The following CHSY1 variants were observed in gnomAD, a reference collection of about 807,000 sequenced individuals.
CHSY1 encodes the protein chondroitin sulfate synthase 1.
CHSY1 carries 13 observed loss-of-function variants against 59.8 expected under a neutral mutation model. That is an observed-to-expected ratio of 0.22 (90% CI 0.14 to 0.35). The LOEUF is 0.35. Among genes scored for constraint, CHSY1 ranks in the 10% least tolerant of loss-of-function variants. The pLI is 1.00. For missense variants in CHSY1, 947 were observed against 1,030.6 expected (o/e 0.92, Z 1.11); for synonymous variants, 459 against 401.2 (o/e 1.14, Z -1.72).
At position 101,193,763 on chromosome 15, in the gene CHSY1, T is replaced by C. The variant is rs2038474465; in HGVS notation, c.817-14783A>G. On this transcript the variant is annotated intron_variant, in intron 2 of 2. Transcript: ENST00000254190. ...AATGTGCACACAATACCAACACTCC[T>C]GGCACCGAGGAAGACACGCTGGGGA... Among the ~76,000 whole-genome samples, 4 of 152,332 alleles carry C rather than the reference T, an allele frequency of 2.6e-5. No individual in the cohort carries two copies. In the South Asian group the frequency reaches 8.3e-4, roughly 32 times the overall value.
At chr15:101,199,991 T>C (rs757266253) in intron 2 of CHSY1, among the ~76,000 whole-genome samples, 8 of 152,158 alleles carry the variant, frequency 5.3e-5, no homozygotes, top group Non-Finnish European at 1.0e-4. Context: ...CTGAATAAGA[T>C]ACAAGAAAAA....
At chr15:101,203,749 G>T (rs1213251205) in intron 2 of CHSY1, among the ~76,000 whole-genome samples, 1 of 152,078 alleles carries the variant, frequency 6.6e-6, no homozygotes, top group African/African-American at 2.4e-5. Flanking sequence ...CGTAGCCTGG[G>T]GAAACATCAG....
intron 2 of CHSY1, among the ~76,000 whole-genome samples, chr15:101,183,143 C>T (rs971987198): frequency 3.3e-5 from 5 of 151,322 alleles, no homozygotes; most frequent in East Asian, 1.9e-4. Flanking sequence ...AAGATCATAA[C>T]GATAAAAAAA....
chr15:101,179,965 G>A (rs1166474630), intron 2 of CHSY1, among the ~76,000 whole-genome samples: 1 of 152,226 alleles, frequency 6.6e-6, no homozygotes, highest in East Asian at 1.9e-4. Flanking sequence ...TTCAGTGAAA[G>A]CATTTGAGGT....
At position 101,235,234 on chromosome 15, in the gene CHSY1, C is replaced by T; in HGVS notation, c.664G>A (p.Gly222Arg). 6.2e-7 allele frequency: 1 copy of T among 1,614,130 alleles called. No homozygotes were observed. Among genetic ancestry groups the T allele is most frequent in the Non-Finnish European group, 8.5e-7 (1 of 1,179,998 alleles). The change falls in exon 2 of 3, where the codon GGG (glycine) becomes AGG (arginine). Residue 222 changes from glycine (G) to arginine (R), a missense_variant. Gly to Arg is a moderately radical substitution (Grantham distance 125, BLOSUM62 -2). Transcript: ENST00000254190. The part of the protein sequence containing the change: ...LEPGENFCMG[G>R]PGVIMSREVL... ...TCCCGGCTCATGATCACGCCAGGCCCCCCCATGCAGAAGTTCTCACCAGGC... is the reference window on the plus strand; with the variant it reads ...TCCCGGCTCATGATCACGCCAGGCCTCCCCATGCAGAAGTTCTCACCAGGC...
intron 1 of CHSY1, 126 bp from the exon 2 acceptor site, chr15:101,235,703 G>C: frequency 9.6e-7 from 1 of 1,042,946 alleles, no homozygotes. Flanking sequence ...TGGCCTGCTT[G>C]GTTCCTCTTA....
At chr15:101,216,938 T>C (rs2038739719) in intron 2 of CHSY1, among the ~76,000 whole-genome samples, 1 of 152,066 alleles carries the variant, frequency 6.6e-6, no homozygotes, top group African/African-American at 2.4e-5. Flanking sequence ...GAATGCAGAG[T>C]GTGACAAAAC....
chr15:101,193,295 G>C (rs1367299070), intron 2 of CHSY1, among the ~76,000 whole-genome samples: 3 of 152,242 alleles, frequency 2.0e-5, no homozygotes, highest in Non-Finnish European at 4.4e-5. Flanking sequence ...GCGAGGGCAG[G>C]GCTGCAGCAT....
chr15:101,238,172 A>C (rs1370710496), intron 1 of CHSY1, among the ~76,000 whole-genome samples: 8 of 152,244 alleles, frequency 5.3e-5, no homozygotes, highest in Non-Finnish European at 1.2e-4. Flanking sequence ...AATATACATA[A>C]CATAAAACTT....
At chr15:101,241,172 C>T (rs1596455090) in intron 1 of CHSY1, among the ~76,000 whole-genome samples, 1 of 152,164 alleles carries the variant, frequency 6.6e-6, no homozygotes, top group Admixed American at 6.5e-5. Context: ...TTCACTGCAA[C>T]CTCCGTCTCC....
At chr15:101,185,359 C>G (rs1387720934) in intron 2 of CHSY1, among the ~76,000 whole-genome samples, 1 of 152,200 alleles carries the variant, frequency 6.6e-6, no homozygotes, top group Non-Finnish European at 1.5e-5. Context: ...ACGGGCCCCA[C>G]CAGGCTCCAG....
chr15:101,248,228 CTT>C (rs2039070225), intron 1 of CHSY1, among the ~76,000 whole-genome samples: 1 of 152,166 alleles, frequency 6.6e-6, no homozygotes, highest in South Asian at 2.1e-4. Flanking sequence ...TCAGTGTGGA[CTT>C]TTGGTCTGGG....
chr15:101,178,867 G>T lies in CHSY1; in HGVS notation c.930C>A (p.Pro310=). The change falls in exon 3 of 3, where the codon CCC becomes CCA. Residue 310 remains proline, a synonymous_variant. Transcript: ENST00000254190. Reference sequence around the variant, plus strand: ...TGTAGCTGTGGAGCCTGTACTGGTAGGGTGGGTTTTTGTTGGGGTGTAATG... The same window carrying T: ...TGTAGCTGTGGAGCCTGTACTGGTATGGTGGGTTTTTGTTGGGGTGTAATG... ...AITLHPNKNP[P]YQYRLHSYML... 1 of 1,614,158 alleles carries T rather than the reference G, an allele frequency of 6.2e-7. No homozygotes were observed. Among genetic ancestry groups the T allele is most frequent in the Non-Finnish European group, 8.5e-7 (1 of 1,180,020 alleles).
chr15:101,209,180 G>C (rs114416857), intron 2 of CHSY1, among the ~76,000 whole-genome samples: 97 of 152,286 alleles, frequency 6.4e-4, no homozygotes, highest in Non-Finnish European at 1.1e-3. Flanking sequence ...ACCAATAACA[G>C]AGCAAACCAA....
intron 2 of CHSY1, among the ~76,000 whole-genome samples, chr15:101,188,960 A>G (rs1330811687): frequency 6.6e-6 from 1 of 152,196 alleles, no homozygotes; most frequent in Non-Finnish European, 1.5e-5. Context: ...AAAAAAATGA[A>G]GTGGCAGACG....
chr15:101,238,293 T>C (rs2038967506), intron 1 of CHSY1, among the ~76,000 whole-genome samples: 1 of 152,248 alleles, frequency 6.6e-6, no homozygotes, highest in African/African-American at 2.4e-5. Flanking sequence ...AGATTCTAAA[T>C]ATTTACTTTT....
Position 101,181,006 on chromosome 15 carries a change from C to T in CHSY1, c.817-2026G>A, listed in dbSNP as rs142134640. 2.6e-3 allele frequency among the ~76,000 whole-genome samples: 400 copies of T among 152,316 alleles called. 5 individuals carry two copies. The highest frequency in any genetic ancestry group is 8.8e-3 in the African/African-American group (366 of 41,566). On this transcript the variant is annotated intron_variant, in intron 2 of 2. Coordinates refer to ENST00000254190, the MANE Select transcript of CHSY1 (RefSeq NM_014918.5). The stretch of plus-strand genomic sequence containing the variant: ...ATTTGCAGGCCATAAAACCTTGAAG[C>T]AAATATAGTCATTTTACAATCCTGT...
chr15:101,188,365 G>A (rs2038398181), intron 2 of CHSY1: 1 of 174,212 alleles, frequency 5.7e-6, no homozygotes, highest in Admixed American at 6.5e-5. Context: ...TCCCAAGCAG[G>A]ACCTTGTGAG....
intron 2 of CHSY1, among the ~76,000 whole-genome samples, chr15:101,196,859 A>C (rs1193481507): frequency 1.3e-5 from 2 of 152,202 alleles, no homozygotes; most frequent in Non-Finnish European, 2.9e-5. Context: ...CCTCATTTGT[A>C]TTTGAAAGAA....
Sources: gnomAD v4.1 joint callset for allele counts (sites outside exome capture counted in the v4.1 genomes callset) on GRCh38, gnomAD v4.1.1 for gene constraint, MANE v1.5 for transcripts, NCBI Gene and HGNC (gene_info 2026-07-23, HGNC 2026-07-21) for gene names.